The following STK4 variants were observed in gnomAD, a reference collection of about 807,000 sequenced individuals.
STK4 encodes serine/threonine-protein kinase 4.
A neutral mutation model predicts 64.9 loss-of-function variants in STK4; 30 were observed. That is an observed-to-expected ratio of 0.46 (90% CI 0.35 to 0.63). The LOEUF is 0.63. STK4 is among the 20% of genes least tolerant of loss of function. The pLI is 0.01. For missense variants in STK4, 466 were observed against 598.5 expected, an observed-to-expected ratio of 0.78 and a Z score of 2.31; for synonymous variants, 177 against 199.0, an observed-to-expected ratio of 0.89 and a Z score of 0.93.
At chr20:45,027,167 G>A (rs1006539853) in intron 10 of STK4, among the ~76,000 whole-genome samples, 4 of 152,066 alleles carry the variant, frequency 2.6e-5, no homozygotes, top group Non-Finnish European at 4.4e-5. Flanking sequence ...AGTGGCTCAC[G>A]CCTGTAATCC....
intron 10 of STK4, among the ~76,000 whole-genome samples, chr20:45,071,375 A>G (rs976861657): frequency 2.0e-5 from 3 of 152,234 alleles, no homozygotes; most frequent in African/African-American, 7.2e-5. Context: ...GGAAGGTGAA[A>G]TGCTACACTT....
chr20:44,994,171 T>A (rs190115407), intron 5 of STK4, among the ~76,000 whole-genome samples: 63 of 151,788 alleles, frequency 4.2e-4, no homozygotes, highest in Non-Finnish European at 7.7e-4. Flanking sequence ...AAGTTTAAAA[T>A]TTTTTTATTG....
At chr20:45,071,977 T>A (rs538499478) in intron 10 of STK4, among the ~76,000 whole-genome samples, 1 of 152,176 alleles carries the variant, frequency 6.6e-6, no homozygotes, top group Admixed American at 6.5e-5. Context: ...TTGCCCAGGC[T>A]GGTCTGGAGT....
Position 45,045,411 on chromosome 20 carries a change from C to G in STK4, c.1305+20281C>G, listed in dbSNP as rs180769250. 2.0e-5 allele frequency among the ~76,000 whole-genome samples: 3 copies of G among 152,286 alleles called. No individual in the cohort carries two copies. In the South Asian group the frequency reaches 6.2e-4, roughly 32 times the overall value. On this transcript the variant is annotated intron_variant, in intron 10 of 10. Transcript: ENST00000372806. ...AAGTGGCTTCCTGTCTGCGTTAATTCATAAGTGTGTGTGTTTTCTCACATG... is the reference window on the plus strand; with the variant it reads ...AAGTGGCTTCCTGTCTGCGTTAATTGATAAGTGTGTGTGTTTTCTCACATG...
chr20:45,034,869 A>C (rs114419058), intron 10 of STK4, among the ~76,000 whole-genome samples: 3,814 of 152,176 alleles, frequency 0.025, 138 homozygotes, highest in African/African-American at 0.082. Context: ...GTGAGCTAGG[A>C]TTGCACCACT....
intron 10 of STK4, among the ~76,000 whole-genome samples, chr20:45,069,604 CT>C (rs879352179): frequency 3.3e-5 from 5 of 152,208 alleles, no homozygotes; most frequent in Admixed American, 1.3e-4. Flanking sequence ...AGGGGAATTA[CT>C]TTTAAGTTTA....
At position 44,976,788 on chromosome 20, in the gene STK4, C is replaced by T. The variant is rs189483660; in HGVS notation, c.117-1655C>T. On this transcript the variant is annotated intron_variant, in intron 2 of 10. Transcript: ENST00000372806. ...TCTGGGGGTGTGAGATTCGAGAAGC[C>T]GTTAATTGGCTTGACAATGGTTTGA... Among the ~76,000 whole-genome samples the T allele has an allele frequency of 7.9e-5, 12 of 152,196 alleles. No individual in the cohort carries two copies. The East Asian group carries it at 2.1e-3, about 27-fold the overall frequency.
intron 10 of STK4, among the ~76,000 whole-genome samples, chr20:45,046,028 A>T (rs2068689161): frequency 6.6e-6 from 1 of 152,028 alleles, no homozygotes; most frequent in East Asian, 1.9e-4. Context: ...GCCAGTCACA[A>T]ACTCCTGACC....
chr20:44,995,424 G>GTA (rs2067710873), intron 6 of STK4, among the ~76,000 whole-genome samples, 167 bp downstream of exon 6: 1 of 151,996 alleles, frequency 6.6e-6, no homozygotes. Flanking sequence ...TGGCCAACAT[G>GTA]GTGAAACCTT....
intron 1 of STK4, among the ~76,000 whole-genome samples, 154 bp downstream of exon 1, chr20:44,966,757 A>C (rs1326286819): frequency 6.6e-6 from 1 of 151,968 alleles, no homozygotes; most frequent in East Asian, 1.9e-4. Context: ...CTGGTGGGTG[A>C]GGGTCCGGCT....
intron 10 of STK4, among the ~76,000 whole-genome samples, chr20:45,064,463 G>T (rs917323204): frequency 4.6e-5 from 7 of 150,844 alleles, no homozygotes; most frequent in Non-Finnish European, 1.5e-5. Context: ...TTCTAATTCT[G>T]TGAAGAATGT....
intron 10 of STK4, among the ~76,000 whole-genome samples, chr20:45,041,992 A>G (rs1439531788): frequency 6.6e-6 from 1 of 152,198 alleles, no homozygotes; most frequent in African/African-American, 2.4e-5. Context: ...TAATTTTTCT[A>G]TAATTTGAAG....
At chr20:45,002,794 T>C (rs1386993479) in intron 9 of STK4, among the ~76,000 whole-genome samples, 1 of 152,006 alleles carries the variant, frequency 6.6e-6, no homozygotes, top group Non-Finnish European at 1.5e-5. Context: ...TTTAAGGCCA[T>C]GAAAAGCAGT....
chr20:44,969,030 C>T (rs1175843109), intron 1 of STK4, among the ~76,000 whole-genome samples: 1 of 152,080 alleles, frequency 6.6e-6, no homozygotes, highest in Non-Finnish European at 1.5e-5. Context: ...CCTGTGTCTC[C>T]ATGTTCTTCC....
intron 10 of STK4, among the ~76,000 whole-genome samples, chr20:45,043,424 CA>C (rs1456919591): frequency 6.6e-6 from 1 of 152,186 alleles, no homozygotes; most frequent in Non-Finnish European, 1.5e-5. Context: ...ATCAGGCTTT[CA>C]GCGTTCAAAT....
intron 10 of STK4, among the ~76,000 whole-genome samples, chr20:45,025,921 A>G (rs1426319984): frequency 2.6e-5 from 4 of 152,210 alleles, no homozygotes; most frequent in Non-Finnish European, 5.9e-5. Flanking sequence ...TGACTGGCCT[A>G]GAGGAAATGA....
intron 10 of STK4, among the ~76,000 whole-genome samples, chr20:45,056,350 A>G (rs1359327391): frequency 6.6e-6 from 1 of 152,192 alleles, no homozygotes; most frequent in Non-Finnish European, 1.5e-5. Flanking sequence ...TGTGCAGTAT[A>G]TAGCCTTTTG....
At chr20:45,062,989 C>CTGTTTTTTTTTTTTT (rs1979211068) in intron 10 of STK4, among the ~76,000 whole-genome samples, 1 of 31,452 alleles carries the variant, frequency 3.2e-5, no homozygotes, top group Non-Finnish European at 5.8e-5. Flanking sequence ...CGCACCCGGC[C>CTGTTTTTTTTTTTTT]TTTTTTTTTT....
In STK4 at chr20:45,011,729, A is replaced by T. The variant is rs866559573; in HGVS notation, c.1147+10376A>T. On this transcript the variant is annotated intron_variant, in intron 9 of 10. Coordinates refer to ENST00000372806, the MANE Select transcript of STK4 (RefSeq NM_006282.5). ...CATACATATATATATATATATATAT[A>T]TTTTTTTTTTTTTTTTTAAGTCAAG... 2.9e-3 allele frequency among the ~76,000 whole-genome samples: 334 copies of T among 115,392 alleles called. 4 individuals carry two copies. The highest frequency in any genetic ancestry group is 0.011 in the African/African-American group (294 of 27,488). 75.7% of individuals were successfully genotyped at this position (115,392 alleles called of 152,430 possible). A position where few individuals can be genotyped will look rare whatever the true frequency, so the allele number is the denominator to read the frequency against.
Sources: gnomAD v4.1 joint callset for allele counts (sites outside exome capture counted in the v4.1 genomes callset) on GRCh38, gnomAD v4.1.1 for gene constraint, MANE v1.5 for transcripts, NCBI Gene and HGNC (gene_info 2026-07-23, HGNC 2026-07-21) for gene names.